Variants in TRAPPC3L observed in about 807,000 individuals in gnomAD.
TRAPPC3L encodes trafficking protein particle complex subunit 3L, also known as trafficking protein particle complex subunit 3-like protein.
In TRAPPC3L, 23 loss-of-function variants were observed where a neutral mutation model predicts 23.7. That is an observed-to-expected ratio of 0.97 (90% CI 0.70 to 1.37). TRAPPC3L has a LOEUF of 1.37. Ranked by LOEUF, TRAPPC3L falls within the 40% of genes most tolerant of loss-of-function variation. TRAPPC3L has a pLI of 0.00. For synonymous variants in TRAPPC3L, 81 were observed against 77.9 expected (o/e 1.04, Z -0.21); for missense variants, 212 against 216.8 (o/e 0.98, Z 0.14).
chr6:116,522,510 G>A (rs922418370), intron 3 of TRAPPC3L: 2 of 151,988 alleles, frequency 1.3e-5, no homozygotes, highest in African/African-American at 4.8e-5. Flanking sequence ...TTTTCTTTAG[G>A]TTCCAGTTAG....
intron 3 of TRAPPC3L, among the ~76,000 whole-genome samples, chr6:116,539,363 C>T (rs1443857031): frequency 6.6e-5 from 10 of 152,110 alleles, no homozygotes; most frequent in Non-Finnish European, 1.5e-4. Context: ...CAGTTTCAAC[C>T]ACATTATTCA....
chr6:116,539,833 G>A (rs905341849), intron 3 of TRAPPC3L, among the ~76,000 whole-genome samples: 40 of 152,054 alleles, frequency 2.6e-4, no homozygotes, highest in African/African-American at 8.5e-4. Context: ...TGCATTTTCC[G>A]GTTTAATTTC....
At chr6:116,521,945 C>T (rs189229279) in intron 3 of TRAPPC3L, 1 of 152,170 alleles carries the variant, frequency 6.6e-6, no homozygotes, top group East Asian at 1.9e-4. Context: ...GTAAAAGCCA[C>T]TATGTAAGAA....
At chr6:116,513,418 A>G (rs1051667144) in intron 3 of TRAPPC3L, among the ~76,000 whole-genome samples, 2 of 152,188 alleles carry the variant, frequency 1.3e-5, no homozygotes, top group African/African-American at 4.8e-5. Context: ...AACTCTTATG[A>G]CAGAATGATT....
intron 3 of TRAPPC3L, among the ~76,000 whole-genome samples, chr6:116,515,193 A>G (rs1393049678): frequency 6.6e-6 from 1 of 152,200 alleles, no homozygotes; most frequent in East Asian, 1.9e-4. Context: ...ACATTTATCA[A>G]TGCCTAAAAA....
chr6:116,506,857 C>T (rs569730620), intron 3 of TRAPPC3L, among the ~76,000 whole-genome samples: 1 of 152,098 alleles, frequency 6.6e-6, no homozygotes, highest in Admixed American at 6.6e-5. Flanking sequence ...CACACCGGGA[C>T]CTGTCAGGCT....
chr6:116,513,256 G>C (rs1426486437), intron 3 of TRAPPC3L, among the ~76,000 whole-genome samples: 1 of 152,114 alleles, frequency 6.6e-6, no homozygotes, highest in African/African-American at 2.4e-5. Flanking sequence ...CTCCAAAGCT[G>C]GTTGGCAGTA....
intron 3 of TRAPPC3L, among the ~76,000 whole-genome samples, chr6:116,509,848 C>T (rs1295909096): frequency 6.9e-6 from 1 of 145,324 alleles, no homozygotes; most frequent in East Asian, 1.9e-4. Context: ...AACTAAAAAG[C>T]TTCTGCACAG....
chr6:116,503,989 G>A (rs575360756), intron 3 of TRAPPC3L, among the ~76,000 whole-genome samples: 138 of 152,110 alleles, frequency 9.1e-4, no homozygotes, highest in African/African-American at 2.7e-3. Context: ...AAAGAAACTC[G>A]AAAGCTAGTA....
chr6:116,543,804 A>G (rs773944549), intron 1 of TRAPPC3L: 2 of 1,533,948 alleles, frequency 1.3e-6, no homozygotes, highest in Non-Finnish European at 8.7e-7. Flanking sequence ...AGGCGTCTGC[A>G]CAATCCCTAA....
intron 3 of TRAPPC3L, among the ~76,000 whole-genome samples, chr6:116,532,839 G>T (rs1353687402): frequency 6.6e-6 from 1 of 152,194 alleles, no homozygotes; most frequent in Non-Finnish European, 1.5e-5. Context: ...GGTTAAGTAA[G>T]GTTAATCATG....
At chr6:116,513,600 A>C (rs1443870446) in intron 3 of TRAPPC3L, among the ~76,000 whole-genome samples, 1 of 152,198 alleles carries the variant, frequency 6.6e-6, no homozygotes, top group Admixed American at 6.5e-5. Flanking sequence ...CAGAATGAGA[A>C]GGACCTGGGG....
chr6:116,531,963 G>A (rs185553342), intron 3 of TRAPPC3L, among the ~76,000 whole-genome samples: 140 of 151,676 alleles, frequency 9.2e-4, no homozygotes, highest in Non-Finnish European at 5.9e-4. Flanking sequence ...AGTTGAGTTC[G>A]CTGTCATTAT....
At chr6:116,512,032 G>A in intron 3 of TRAPPC3L, 1 of 1,614,070 alleles carries the variant, frequency 6.2e-7, no homozygotes. Flanking sequence ...TGGCTCCAGT[G>A]ATGTGGCTTT....
intron 2 of TRAPPC3L, among the ~76,000 whole-genome samples, 151 bp from the exon 3 acceptor site, chr6:116,540,613 C>T (rs926874704): frequency 1.3e-5 from 2 of 152,066 alleles, no homozygotes; most frequent in Non-Finnish European, 1.5e-5. Context: ...TGGCTGTGGG[C>T]TTCTTATTCG....
intron 3 of TRAPPC3L, among the ~76,000 whole-genome samples, chr6:116,511,283 A>T: frequency 6.6e-6 from 1 of 151,556 alleles, no homozygotes; most frequent in East Asian, 1.9e-4. Context: ...AGAGAAAAAC[A>T]TTCATAAAAT....
chr6:116,524,170 G>GA (rs1772400907), intron 3 of TRAPPC3L: 2 of 83,152 alleles, frequency 2.4e-5, no homozygotes, highest in Non-Finnish European at 5.0e-5. Flanking sequence ...AAATACTCTA[G>GA]AAAAAAGAGT....
chr6:116,514,848 A>T (rs1396424595), intron 3 of TRAPPC3L, among the ~76,000 whole-genome samples: 1 of 152,230 alleles, frequency 6.6e-6, no homozygotes, highest in Non-Finnish European at 1.5e-5. Context: ...ATGTCAAGAG[A>T]CACTTTGAAA....
chr6:116,523,916 A>G (rs1772393653), intron 3 of TRAPPC3L: 1 of 152,238 alleles, frequency 6.6e-6, no homozygotes, highest in Non-Finnish European at 1.5e-5. Context: ...GATATAAGTG[A>G]CTTAATAACC....
Sources: allele counts gnomAD v4.1 joint callset (sites outside exome capture counted in the v4.1 genomes callset), GRCh38; gene constraint gnomAD v4.1.1; transcripts MANE v1.5; gene names NCBI Gene and HGNC (gene_info 2026-07-23, HGNC 2026-07-21).